Variants in CCNY observed in about 807,000 individuals in gnomAD.
CCNY encodes the protein cyclin Y.
In CCNY, 19 loss-of-function variants were observed where a neutral mutation model predicts 42.8. The ratio of observed to expected loss-of-function variants is 0.44; its 90% CI spans 0.31 to 0.65. The LOEUF is 0.65. Among genes scored for constraint, CCNY ranks in the 30% least tolerant of loss-of-function variants. CCNY has a pLI of 0.07. For synonymous variants in CCNY, 165 were observed against 162.7 expected (o/e 1.01, Z -0.11); for missense variants, 370 against 437.3 (o/e 0.85, Z 1.37).
intron 8 of CCNY, among the ~76,000 whole-genome samples, chr10:35,560,201 T>C (rs1018257794): frequency 4.6e-5 from 7 of 152,118 alleles, no homozygotes; most frequent in African/African-American, 1.7e-4. Context: ...ATTAGGACTT[T>C]GGGGCTGTTA....
intron 1 of CCNY, among the ~76,000 whole-genome samples, chr10:35,433,473 A>G (rs947464211): frequency 2.0e-5 from 3 of 152,210 alleles, no homozygotes; most frequent in Non-Finnish European, 4.4e-5. Flanking sequence ...CACAACAGTC[A>G]TCAAAGAAAA....
At chr10:35,290,223 C>CACACACACAG (rs1835397635) in intron 3 of CCNY, among the ~76,000 whole-genome samples, 2 of 712 alleles carry the variant, frequency 2.8e-3, no homozygotes, top group South Asian at 0.14. Context: ...AAGACTCCAT[C>CACACACACAG]ACACACACAC....
intron 3 of CCNY, among the ~76,000 whole-genome samples, chr10:35,251,249 C>T (rs191724478): frequency 1.3e-5 from 2 of 151,912 alleles, no homozygotes; most frequent in East Asian, 3.9e-4. Context: ...TAAATAAAGG[C>T]TATTTTAAAT....
intron 2 of CCNY, among the ~76,000 whole-genome samples, chr10:35,498,603 ATCCAGGCAG>A (rs1042411400): frequency 6.6e-6 from 1 of 152,160 alleles, no homozygotes; most frequent in African/African-American, 2.4e-5. Context: ...TTACCCCCCA[ATCCAGGCAG>A]GATGGTCAGA....
chr10:35,504,746 C>G (rs548544425), intron 3 of CCNY, among the ~76,000 whole-genome samples: 2 of 152,288 alleles, frequency 1.3e-5, no homozygotes, highest in Admixed American at 1.3e-4. Context: ...AAACTATTCA[C>G]CTGCCTCAGC....
chr10:35,288,129 C>T lies in CCNY; in HGVS notation c.-9+37503C>T, dbSNP rs536760366. 4.6e-5 allele frequency among the ~76,000 whole-genome samples: 7 copies of T among 152,256 alleles called. No individual in the cohort carries two copies. In the East Asian group the frequency reaches 1.3e-3, roughly 29 times the overall value. Reference sequence around the variant, plus strand: ...CCTTGTAACTTATTACTGGTATAGGCAGGCTTAAAATTTTAGCTATTTTAT... The same window carrying T: ...CCTTGTAACTTATTACTGGTATAGGTAGGCTTAAAATTTTAGCTATTTTAT... On this transcript the variant is annotated intron_variant, in intron 3 of 11. Coordinates refer to the CCNY transcript ENST00000374706.
chr10:35,263,627 C>G lies in CCNY; in HGVS notation c.-9+13001C>G, dbSNP rs191017194. On this transcript the variant is annotated intron_variant, in intron 3 of 11. Transcript: ENST00000374706. ...CAGAAGGAAAGCAAAAGGTAAAATA[C>G]ATCATTAAAGACATTTTTACTTTCT... Among the ~76,000 whole-genome samples, 154 of 152,106 alleles carry G rather than the reference C, an allele frequency of 1.0e-3. 2 individuals carry two copies. Among genetic ancestry groups the G allele is most frequent in the Admixed American group, 7.9e-3 (120 of 15,264 alleles).
chr10:35,553,987 T>C (rs1470116076), intron 8 of CCNY, among the ~76,000 whole-genome samples: 1 of 152,246 alleles, frequency 6.6e-6, no homozygotes, highest in Non-Finnish European at 1.5e-5. Context: ...TTATGATTTG[T>C]AGTCACTTCT....
At position 35,388,236 on chromosome 10, in the gene CCNY, A is replaced by C. The variant is rs7476557; in HGVS notation, c.154+51029A>C. 2.0e-5 allele frequency among the ~76,000 whole-genome samples: 3 copies of C among 152,328 alleles called. No individual in the cohort carries two copies. In the South Asian group the frequency reaches 6.2e-4, roughly 32 times the overall value. ...TGGAGAGTGTATTTGTAGAGTATAT[A>C]GGTAGGCTATATTTGTAGAGTGTTG... On this transcript the variant is annotated intron_variant, in intron 1 of 9. Transcript: ENST00000374704.
At chr10:35,390,180 T>G (rs973399806) in intron 1 of CCNY, among the ~76,000 whole-genome samples, 1 of 152,250 alleles carries the variant, frequency 6.6e-6, no homozygotes, top group African/African-American at 2.4e-5. Flanking sequence ...CACTTGTGGC[T>G]GAATATAGAT....
chr10:35,545,688 T>A (rs770301987), intron 7 of CCNY, among the ~76,000 whole-genome samples: 1 of 152,156 alleles, frequency 6.6e-6, no homozygotes, highest in Admixed American at 6.5e-5. Flanking sequence ...GTAACCCATA[T>A]CCACAGGATA....
chr10:35,259,608 T>C (rs1450088515), intron 3 of CCNY, among the ~76,000 whole-genome samples: 1 of 149,234 alleles, frequency 6.7e-6, no homozygotes, highest in African/African-American at 2.5e-5. Context: ...GTTCAAGTGA[T>C]TCTCCTGCCT....
chr10:35,473,782 G>A (rs1245977755), intron 1 of CCNY, among the ~76,000 whole-genome samples: 1 of 151,962 alleles, frequency 6.6e-6, no homozygotes, highest in Non-Finnish European at 1.5e-5. Context: ...TGTGTTCCTT[G>A]GGGGGAGGAG....
intron 8 of CCNY, among the ~76,000 whole-genome samples, chr10:35,562,421 C>G (rs1841484251): frequency 6.6e-6 from 1 of 152,208 alleles, no homozygotes; most frequent in Non-Finnish European, 1.5e-5. Context: ...TCTCTAGAAC[C>G]CTTCATTTTC....
intron 3 of CCNY, among the ~76,000 whole-genome samples, chr10:35,276,053 T>C (rs1490047915): frequency 6.6e-6 from 1 of 152,242 alleles, no homozygotes; most frequent in Non-Finnish European, 1.5e-5. Context: ...CACTGCTAAA[T>C]ACATTTGTCA....
At position 35,337,166 on chromosome 10, in the gene CCNY, G is replaced by A; in HGVS notation, c.113G>A (p.Gly38Asp). The change falls in exon 1 of 10, where the codon GGC becomes GAC. Residue 38 changes from glycine to aspartate, a missense_variant. Coordinates refer to ENST00000374704, the MANE Select transcript of CCNY (RefSeq NM_145012.6). ...ACGGACCTGAGCCGCGAGGACACGG[G>A]CTGCAACCTGCAGCACATCAGCGAC... is the stretch of plus-strand genomic sequence containing the variant. ...PDTDLSREDT[G>D]CNLQHISDRE... 6.3e-7 allele frequency: 1 copy of A among 1,574,868 alleles called. No homozygotes were observed. The highest frequency in any genetic ancestry group is 8.6e-7 in the Non-Finnish European group (1 of 1,162,788).
At position 35,448,422 on chromosome 10, in the gene CCNY, A is replaced by C. The variant is rs143535373; in HGVS notation, c.155-34982A>C. ...CTTTGGCAAGCCCTTTAATTTCTCT[A>C]TGTCTCTTTCCTCATAGGTAACATG... On this transcript the variant is annotated intron_variant, in intron 1 of 9. Transcript: ENST00000374704. Among the ~76,000 whole-genome samples the C allele has an allele frequency of 2.0e-5, 3 of 152,276 alleles. No homozygotes were observed. The East Asian group carries it at 5.8e-4, about 29-fold the overall frequency.
chr10:35,526,809 A>G (rs1270519560), intron 5 of CCNY, among the ~76,000 whole-genome samples: 4 of 152,182 alleles, frequency 2.6e-5, no homozygotes, highest in African/African-American at 9.7e-5. Context: ...GATCTTTCCA[A>G]AGCGTCCTCC....
intron 1 of CCNY, among the ~76,000 whole-genome samples, chr10:35,442,933 G>A (rs115490713): frequency 0.012 from 1,898 of 152,316 alleles, 34 homozygotes; most frequent in East Asian, 0.056. Context: ...AGTATAGCCT[G>A]TTGCTCCTAG....
Sources: gnomAD v4.1 joint callset for allele counts (sites outside exome capture counted in the v4.1 genomes callset) on GRCh38, gnomAD v4.1.1 for gene constraint, MANE v1.5 for transcripts, NCBI Gene and HGNC (gene_info 2026-07-23, HGNC 2026-07-21) for gene names.